Variants in ZMAT4 observed in about 807,000 individuals in gnomAD.
ZMAT4 encodes zinc finger matrin-type 4, also known as zinc finger matrin-type protein 4.
ZMAT4 carries 17 observed loss-of-function variants against 28.7 expected under a neutral mutation model. The ratio of observed to expected loss-of-function variants is 0.59; its 90% CI spans 0.41 to 0.89. ZMAT4 has a LOEUF of 0.89. Among genes scored for constraint, ZMAT4 ranks in the 40% least tolerant of loss-of-function variants. ZMAT4 has a pLI of 0.00. For missense variants in ZMAT4, 240 were observed against 283.8 expected (o/e 0.85, Z 1.11); for synonymous variants, 117 against 109.2 (o/e 1.07, Z -0.44).
At chr8:40,712,667 T>C (rs1169791918) in intron 3 of ZMAT4, among the ~76,000 whole-genome samples, 2 of 152,154 alleles carry the variant, frequency 1.3e-5, no homozygotes, top group Admixed American at 6.6e-5. Flanking sequence ...GAAGCTCCAA[T>C]AGCGCCATAT....
intron 1 of ZMAT4, among the ~76,000 whole-genome samples, chr8:40,879,780 T>C (rs1161819943): frequency 1.3e-5 from 2 of 152,230 alleles, no homozygotes; most frequent in African/African-American, 2.4e-5. Context: ...GTATTTTATT[T>C]ACATTTATGC....
intron 5 of ZMAT4, among the ~76,000 whole-genome samples, chr8:40,652,696 A>G (rs1318457843): frequency 7.4e-5 from 8 of 108,498 alleles, no homozygotes; most frequent in Non-Finnish European, 1.2e-4. Flanking sequence ...ATGTCCAACA[A>G]TGATAGACTG....
At position 40,700,697 on chromosome 8, in the gene ZMAT4, T is replaced by G. The variant is rs546948788; in HGVS notation, c.193-3296A>C. Among the ~76,000 whole-genome samples the G allele has an allele frequency of 6.6e-5, 10 of 152,268 alleles. No individual in the cohort carries two copies. In the South Asian group the frequency reaches 2.1e-3, roughly 32 times the overall value. On this transcript the variant is annotated intron_variant, in intron 3 of 6. Transcript: ENST00000297737. ...CTTTGGCCTCCCAAAGTGCTGGGAT[T>G]GTAGGAGTGAGCCACTGTACCAGCC...
intron 1 of ZMAT4, among the ~76,000 whole-genome samples, chr8:40,828,628 C>T (rs560278534): frequency 1.3e-5 from 2 of 152,280 alleles, no homozygotes; most frequent in East Asian, 3.9e-4. Flanking sequence ...TTGATTTGAA[C>T]AAGTCCATAT....
At chr8:40,607,117 CTTTTTTTTTTT>C (rs71544299) in intron 5 of ZMAT4, among the ~76,000 whole-genome samples, 3 of 65,718 alleles carry the variant, frequency 4.6e-5, no homozygotes, top group African/African-American at 1.9e-4. Context: ...TATCTTGTAT[CTTTTTTTTTTT>C]TTTTTTTTTT....
chr8:40,895,431 G>A (rs1006628914), intron 1 of ZMAT4, among the ~76,000 whole-genome samples: 1 of 152,226 alleles, frequency 6.6e-6, no homozygotes, highest in African/African-American at 2.4e-5. Context: ...CCAAGGTGAA[G>A]CTGTAATGAG....
intron 5 of ZMAT4, chr8:40,674,396 A>G: frequency 3.3e-6 from 1 of 302,910 alleles, no homozygotes; most frequent in Non-Finnish European, 6.2e-6. Context: ...GCTACTCTAC[A>G]AAAGCATTTG....
chr8:40,858,081 A>C (rs1027877454), intron 1 of ZMAT4, among the ~76,000 whole-genome samples: 3 of 136,658 alleles, frequency 2.2e-5, no homozygotes, highest in African/African-American at 8.2e-5. Flanking sequence ...ATACAAGGTA[A>C]ACATTTGTCA....
chr8:40,783,484 T>C (rs1180850907), intron 2 of ZMAT4, among the ~76,000 whole-genome samples: 2 of 152,194 alleles, frequency 1.3e-5, no homozygotes, highest in Non-Finnish European at 2.9e-5. Context: ...GTGGTGTAAA[T>C]GTTCTGGAAG....
At chr8:40,589,992 C>CCTTCCTTT (rs1804832511) in intron 5 of ZMAT4, among the ~76,000 whole-genome samples, 1 of 106,756 alleles carries the variant, frequency 9.4e-6, no homozygotes, top group Non-Finnish European at 1.8e-5. Context: ...TTCCTTCCTT[C>CCTTCCTTT]CTTCCTTCCT....
At chr8:40,645,979 A>G (rs1019539076) in intron 5 of ZMAT4, among the ~76,000 whole-genome samples, 23 of 152,228 alleles carry the variant, frequency 1.5e-4, no homozygotes, top group African/African-American at 5.5e-4. Context: ...TATTCACACC[A>G]TAATAGATAA....
At chr8:40,801,262 G>T (rs1236637725) in intron 2 of ZMAT4, among the ~76,000 whole-genome samples, 1 of 149,988 alleles carries the variant, frequency 6.7e-6, no homozygotes, top group Non-Finnish European at 1.5e-5. Flanking sequence ...ACGTAAATGG[G>T]TTCACTAATG....
At chr8:40,605,288 T>A (rs1284455090) in intron 5 of ZMAT4, among the ~76,000 whole-genome samples, 1 of 152,210 alleles carries the variant, frequency 6.6e-6, no homozygotes, top group Non-Finnish European at 1.5e-5. Flanking sequence ...CTATTTGTGC[T>A]CTTTCAGACT....
At chr8:40,735,450 A>G (rs1052689399) in intron 3 of ZMAT4, among the ~76,000 whole-genome samples, 1 of 152,208 alleles carries the variant, frequency 6.6e-6, no homozygotes, top group African/African-American at 2.4e-5. Context: ...TCATAGAGTC[A>G]TAGTCAGTTA....
intron 3 of ZMAT4, among the ~76,000 whole-genome samples, chr8:40,711,560 C>T (rs532575443): frequency 6.6e-6 from 1 of 152,184 alleles, no homozygotes; most frequent in Non-Finnish European, 1.5e-5. Flanking sequence ...ACACAATCAG[C>T]AAAACCTATA....
At chr8:40,865,022 A>G (rs1471436078) in intron 1 of ZMAT4, among the ~76,000 whole-genome samples, 1 of 152,182 alleles carries the variant, frequency 6.6e-6, no homozygotes, top group African/African-American at 2.4e-5. Context: ...AATTTTACTC[A>G]ATGAATTCTG....
At chr8:40,770,870 T>C (rs1813362098) in intron 2 of ZMAT4, among the ~76,000 whole-genome samples, 2 of 152,256 alleles carry the variant, frequency 1.3e-5, no homozygotes, top group East Asian at 1.9e-4. Flanking sequence ...ACTTACAGTG[T>C]CTTCCTCTAA....
intron 3 of ZMAT4, among the ~76,000 whole-genome samples, chr8:40,720,827 G>A (rs1429277121): frequency 6.6e-6 from 1 of 151,338 alleles, no homozygotes; most frequent in Non-Finnish European, 1.5e-5. Context: ...TGCCCAGCCC[G>A]ATAGACTCTT....
intron 6 of ZMAT4, among the ~76,000 whole-genome samples, chr8:40,551,195 T>C (rs1803359835): frequency 6.6e-6 from 1 of 152,168 alleles, no homozygotes. Context: ...AAAGAGTTAA[T>C]GTTTATAGAA....
Sources: gnomAD v4.1 joint callset for allele counts (sites outside exome capture counted in the v4.1 genomes callset) on GRCh38, gnomAD v4.1.1 for gene constraint, MANE v1.5 for transcripts, NCBI Gene and HGNC (gene_info 2026-07-23, HGNC 2026-07-21) for gene names.